The following GRIK4 variants were observed in gnomAD, a reference collection of about 807,000 sequenced individuals.
GRIK4 encodes the protein glutamate receptor ionotropic, kainate 4.
Under a neutral mutation model 104.9 loss-of-function variants are expected in GRIK4, and 40 were observed. The observed-to-expected ratio is 0.38, with a 90% CI of 0.30 to 0.50. GRIK4 has a LOEUF of 0.50. GRIK4 is among the 20% of genes least tolerant of loss of function. The pLI is 0.93. For synonymous variants in GRIK4, 485 were observed against 524.9 expected (o/e 0.92, Z 1.04); for missense variants, 1,047 against 1,308.1 (o/e 0.80, Z 3.08).
intron 3 of GRIK4, among the ~76,000 whole-genome samples, chr11:120,697,916 A>C (rs1950481187): frequency 6.6e-6 from 1 of 151,826 alleles, no homozygotes; most frequent in Non-Finnish European, 1.5e-5. Flanking sequence ...TTCTCACATC[A>C]CTGATGCACT....
chr11:120,968,672 C>T (rs1944424491), intron 19 of GRIK4, among the ~76,000 whole-genome samples: 1 of 152,204 alleles, frequency 6.6e-6, no homozygotes, highest in Admixed American at 6.5e-5. Flanking sequence ...CTTCTTGGCT[C>T]TTCACTCCCC....
intron 1 of GRIK4, among the ~76,000 whole-genome samples, chr11:120,639,118 C>T (rs1421679696): frequency 3.3e-5 from 5 of 152,002 alleles, no homozygotes; most frequent in Admixed American, 2.6e-4. Context: ...TTGCCTGAAC[C>T]ATGAAGCGGA....
At chr11:120,622,050 G>A (rs994037268) in intron 1 of GRIK4, among the ~76,000 whole-genome samples, 6 of 151,896 alleles carry the variant, frequency 4.0e-5, no homozygotes, top group Admixed American at 1.3e-4. Flanking sequence ...ACAGGCCCCC[G>A]CCACCACACC....
rs141166582 is a variant in GRIK4, at chr11:120,666,076, G to T, written c.82+5676G>T. On this transcript the variant is annotated intron_variant, in intron 3 of 20. Transcript: ENST00000527524. Reference sequence around the variant, plus strand: ...AATCCCGGGGTCCCAAAAGGTGAAAGGAATTGGTGAATGCCCTTTTGGTGG... The same window carrying T: ...AATCCCGGGGTCCCAAAAGGTGAAATGAATTGGTGAATGCCCTTTTGGTGG... Among the ~76,000 whole-genome samples, 135 of 152,328 alleles carry T rather than the reference G, an allele frequency of 8.9e-4. 1 individual carries two copies. Among genetic ancestry groups the T allele is most frequent in the African/African-American group, 3.2e-3 (131 of 41,574 alleles).
intron 1 of GRIK4, among the ~76,000 whole-genome samples, chr11:120,550,398 T>G (rs1444569415): frequency 6.6e-6 from 1 of 151,600 alleles, no homozygotes; most frequent in African/African-American, 2.4e-5. Context: ...CGATGCTGAT[T>G]AGACAACTCA....
chr11:120,732,654 C>T (rs1289532678), intron 3 of GRIK4, among the ~76,000 whole-genome samples: 1 of 152,048 alleles, frequency 6.6e-6, no homozygotes, highest in Non-Finnish European at 1.5e-5. Flanking sequence ...TCCCCAAATT[C>T]CTCTTGTTAT....
Position 120,848,974 on chromosome 11 carries a change from G to T in GRIK4, c.744+12130G>T, listed in dbSNP as rs546269584. 1.1e-3 allele frequency among the ~76,000 whole-genome samples: 168 copies of T among 152,284 alleles called. 1 individual carries two copies. Among genetic ancestry groups the T allele is most frequent in the African/African-American group, 3.9e-3 (162 of 41,562 alleles). On this transcript the variant is annotated intron_variant, in intron 8 of 20. Coordinates refer to ENST00000527524, the MANE Select transcript of GRIK4 (RefSeq NM_014619.5). ...TTCAACAGGGGATGTTGAGACCCTG[G>T]TGGAGGTAAAGAAACTCTTCTTTGC...
chr11:120,659,461 A>G (rs1949775537), intron 2 of GRIK4, among the ~76,000 whole-genome samples: 1 of 152,068 alleles, frequency 6.6e-6, no homozygotes, highest in Non-Finnish European at 1.5e-5. Flanking sequence ...GGCTTCTCCG[A>G]TGTTACCTTG....
chr11:120,809,255 A>T (rs1156657820), intron 4 of GRIK4, among the ~76,000 whole-genome samples: 1 of 152,124 alleles, frequency 6.6e-6, no homozygotes, highest in African/African-American at 2.4e-5. Flanking sequence ...AAGTCCCTCC[A>T]TGGGGCCACT....
At chr11:120,808,429 C>T (rs571952001) in intron 4 of GRIK4, among the ~76,000 whole-genome samples, 15 of 152,322 alleles carry the variant, frequency 9.8e-5, no homozygotes, top group African/African-American at 3.1e-4. Flanking sequence ...GCACATGTGC[C>T]TGGCACTTGG....
At position 120,987,568 on chromosome 11, in the gene GRIK4, C is replaced by T. The variant is rs1944777841; in HGVS notation, c.*1308C>T. Reference sequence around the variant, plus strand: ...GGAGTCTCCTAGTCAATACACGGGCCTGGGAACCAGGAACTCTTGAGTCGT... The same window carrying T: ...GGAGTCTCCTAGTCAATACACGGGCTTGGGAACCAGGAACTCTTGAGTCGT... On this transcript the variant is annotated 3_prime_UTR_variant, in exon 21 of 21. Coordinates refer to ENST00000527524, the MANE Select transcript of GRIK4 (RefSeq NM_014619.5). The T allele has an allele frequency of 6.6e-6, 1 of 152,222 alleles. No homozygotes were observed. The highest frequency in any genetic ancestry group is 1.5e-5 in the Non-Finnish European group (1 of 68,048). 9.4% of individuals were successfully genotyped at this position (152,222 alleles called of 1,614,324 possible). A position where few individuals can be genotyped will look rare whatever the true frequency, so the allele number is the denominator to read the frequency against.
In GRIK4 at chr11:120,679,031, A is replaced by G. The variant is rs561021022; in HGVS notation, c.82+18631A>G. Reference sequence around the variant, plus strand: ...GGTGGGAGTGCAGAGAACACCCTAAAGGGAGAGAAGAGTTTGAGATAAGAG... The same window carrying G: ...GGTGGGAGTGCAGAGAACACCCTAAGGGGAGAGAAGAGTTTGAGATAAGAG... On this transcript the variant is annotated intron_variant, in intron 3 of 20. Coordinates refer to ENST00000527524, the MANE Select transcript of GRIK4 (RefSeq NM_014619.5). Among the ~76,000 whole-genome samples the G allele has an allele frequency of 7.9e-5, 12 of 152,254 alleles. No homozygotes were observed. The East Asian group carries it at 2.3e-3, about 29-fold the overall frequency.
intron 16 of GRIK4, among the ~76,000 whole-genome samples, chr11:120,959,282 C>T (rs562390828): frequency 2.4e-4 from 36 of 152,314 alleles, no homozygotes; most frequent in African/African-American, 8.4e-4. Flanking sequence ...CCAGCTCGCT[C>T]ATGGTGGTCT....
chr11:120,590,284 C>T (rs951309414), intron 1 of GRIK4, among the ~76,000 whole-genome samples: 3 of 152,196 alleles, frequency 2.0e-5, no homozygotes, highest in African/African-American at 7.2e-5. Flanking sequence ...CCCAGGAGGC[C>T]TCCACCTGCA....
chr11:120,516,326 G>T (rs1334579408), intron 1 of GRIK4, among the ~76,000 whole-genome samples: 1 of 152,184 alleles, frequency 6.6e-6, no homozygotes, highest in Non-Finnish European at 1.5e-5. Flanking sequence ...TCAGGAATGG[G>T]GGAAGGAAGA....
intron 18 of GRIK4, among the ~76,000 whole-genome samples, chr11:120,966,797 G>A (rs1425552007): frequency 2.0e-5 from 3 of 152,174 alleles, no homozygotes; most frequent in African/African-American, 7.2e-5. Context: ...CCTGTGTGTC[G>A]GTGGGCAGGT....
chr11:120,801,635 T>A (rs1248502002), intron 3 of GRIK4, among the ~76,000 whole-genome samples: 3 of 152,246 alleles, frequency 2.0e-5, no homozygotes, highest in Admixed American at 2.0e-4. Flanking sequence ...CATTTTTTTA[T>A]CTATCAATCA....
chr11:120,917,142 G>C (rs1448584403), intron 13 of GRIK4, among the ~76,000 whole-genome samples: 1 of 151,238 alleles, frequency 6.6e-6, no homozygotes, highest in Non-Finnish European at 1.5e-5. Context: ...AGCTACTCAG[G>C]AGGCTGAGGC....
At chr11:120,523,727 G>A (rs1032997617) in intron 1 of GRIK4, among the ~76,000 whole-genome samples, 2 of 152,156 alleles carry the variant, frequency 1.3e-5, no homozygotes, top group Non-Finnish European at 1.5e-5. Flanking sequence ...GCTTCTCCGT[G>A]TGGCCAGTGC....
Sources: allele counts gnomAD v4.1 joint callset (sites outside exome capture counted in the v4.1 genomes callset), GRCh38; gene constraint gnomAD v4.1.1; transcripts MANE v1.5; gene names NCBI Gene and HGNC (gene_info 2026-07-23, HGNC 2026-07-21).